Variants in RHOG observed in about 807,000 individuals in gnomAD.
RHOG encodes ras homolog family member G.
RHOG carries 1 observed loss-of-function variant against 12.3 expected under a neutral mutation model. That is an observed-to-expected ratio of 0.08 (90% CI 0.03 to 0.39). RHOG has a LOEUF of 0.39. RHOG is among the 10% of genes least tolerant of loss of function. The probability of loss-of-function intolerance (pLI) is 0.99; values close to 1 mark genes in which losing one functional copy is unlikely to be tolerated. For synonymous variants in RHOG, 129 were observed against 116.0 expected, an observed-to-expected ratio of 1.11 and a Z score of -0.72; for missense variants, 114 against 266.2, an observed-to-expected ratio of 0.43 and a Z score of 3.98.
At chr11:3,840,662 C>G (rs1347073512) in intron 1 of RHOG, 1 of 152,256 alleles carries the variant, frequency 6.6e-6, no homozygotes, top group African/African-American at 2.4e-5. Context: ...TCTCGGCTCC[C>G]TAGAGGCGGT....
intron 1 of RHOG, among the ~76,000 whole-genome samples, chr11:3,839,147 C>A (rs942971368): frequency 2.8e-4 from 42 of 152,178 alleles, no homozygotes; most frequent in African/African-American, 9.9e-4. Flanking sequence ...TTCCATCACA[C>A]CCAAGCTGGT....
chr11:3,829,905 T>C (rs1590475385), intron 1 of RHOG, among the ~76,000 whole-genome samples: 1 of 152,090 alleles, frequency 6.6e-6, no homozygotes, highest in South Asian at 2.1e-4. Context: ...TGCCACCACG[T>C]CCAGCTAATT....
intron 1 of RHOG, among the ~76,000 whole-genome samples, chr11:3,828,867 G>C (rs543862140): frequency 2.0e-5 from 3 of 151,830 alleles, no homozygotes; most frequent in African/African-American, 4.8e-5. Context: ...TGATCCGCCC[G>C]CCTTGGCCTC....
At chr11:3,831,153 AC>A (rs1036297449) in intron 1 of RHOG, among the ~76,000 whole-genome samples, 13 of 150,362 alleles carry the variant, frequency 8.6e-5, no homozygotes, top group Non-Finnish European at 1.3e-4. Flanking sequence ...GGAACCCCTT[AC>A]CCCCCCAGCC....
chr11:3,829,597 A>G (rs1350363691), intron 1 of RHOG, among the ~76,000 whole-genome samples: 1 of 151,850 alleles, frequency 6.6e-6, no homozygotes. Context: ...GGCCATGTAC[A>G]CTCAGATTGC....
intron 1 of RHOG, among the ~76,000 whole-genome samples, chr11:3,831,434 G>A (rs565155964): frequency 4.0e-5 from 6 of 151,708 alleles, no homozygotes; most frequent in Admixed American, 6.6e-5. Context: ...GTGTTTGTGC[G>A]CGTGCACGTG....
intron 1 of RHOG, among the ~76,000 whole-genome samples, chr11:3,838,313 AACTTCCAATGGGGCCAGATCTCACCTG>A (rs1263403028): frequency 3.3e-5 from 5 of 152,176 alleles, no homozygotes; most frequent in Non-Finnish European, 7.3e-5. Context: ...AATTAGCTCA[AACTTCCAATGGGGCCAGATCTCACCTG>A]GGAGAATCCC....
At chr11:3,839,589 GAACA>G (rs2090178665) in intron 1 of RHOG, among the ~76,000 whole-genome samples, 1 of 111,780 alleles carries the variant, frequency 8.9e-6, no homozygotes, top group Non-Finnish European at 1.9e-5. Flanking sequence ...ACGCGCGTGC[GAACA>G]CACACGCAAA....
Position 3,839,602 on chromosome 11 carries a change from A to AACACACACACAAACACACACAC in RHOG, c.-69+1291_-69+1292insGTGTGTGTGTTTGTGTGTGTGT, listed in dbSNP as rs1554948262. 2.1e-3 allele frequency among the ~76,000 whole-genome samples: 292 copies of AACACACACACAAACACACACAC among 141,692 alleles called. 1 individual carries two copies. Among genetic ancestry groups the AACACACACACAAACACACACAC allele is most frequent in the African/African-American group, 6.9e-3 (264 of 38,196 alleles). 93.0% of individuals were successfully genotyped at this position (141,692 alleles called of 152,430 possible). A position where few individuals can be genotyped will look rare whatever the true frequency, so the allele number is the denominator to read the frequency against. On this transcript the variant is annotated intron_variant, in intron 1 of 1. Transcript: ENST00000351018. ...ACACGCGCGTGCGAACACACACGCAAACACACACACACACACACACACACA... is the reference window on the plus strand; with the variant it reads ...ACACGCGCGTGCGAACACACACGCAAACACACACACAAACACACACACACACACACACACACACACACACACA...
At chr11:3,836,115 G>A (rs2090154174) in intron 1 of RHOG, among the ~76,000 whole-genome samples, 1 of 151,454 alleles carries the variant, frequency 6.6e-6, no homozygotes, top group South Asian at 2.1e-4. Context: ...CACTTTGGGA[G>A]GCCAAGGCAG....
At chr11:3,833,907 A>C (rs1590478308) in intron 1 of RHOG, among the ~76,000 whole-genome samples, 2 of 152,300 alleles carry the variant, frequency 1.3e-5, no homozygotes, top group South Asian at 2.1e-4. Context: ...TAAGTCTCAC[A>C]GTTGCATAAG....
chr11:3,828,812 G>A (rs1392355222), intron 1 of RHOG, among the ~76,000 whole-genome samples: 13 of 151,562 alleles, frequency 8.6e-5, no homozygotes, highest in South Asian at 2.1e-4. Flanking sequence ...AGTAGAGATG[G>A]GGTTTCACCG....
intron 1 of RHOG, among the ~76,000 whole-genome samples, chr11:3,833,514 T>G (rs553285207): frequency 4.1e-4 from 63 of 152,278 alleles, no homozygotes; most frequent in African/African-American, 1.5e-3. Context: ...GCATTCAGAG[T>G]TCTTCACAAT....
At position 3,827,454 on chromosome 11, in the gene RHOG, T is replaced by A; in HGVS notation, c.*109A>T. On this transcript the variant is annotated 3_prime_UTR_variant, in exon 2 of 2. Coordinates refer to ENST00000351018, the MANE Select transcript of RHOG (RefSeq NM_001665.4). This position sits in a 1 kb window ranked among gnomAD's most constrained non-coding sequence, Gnocchi z 7.3. Reference sequence around the variant, plus strand: ...AGAAAAAGGCATTCAGGGAACCCCCTGGAAAGGGGTGCCAGAATTAGTCCT... The same window carrying A: ...AGAAAAAGGCATTCAGGGAACCCCCAGGAAAGGGGTGCCAGAATTAGTCCT... The A allele has an allele frequency of 1.1e-6, 1 of 884,222 alleles. No individual in the cohort carries two copies. Among genetic ancestry groups the A allele is most frequent in the East Asian group, 2.7e-5 (1 of 37,734 alleles). 54.8% of individuals were successfully genotyped at this position (884,222 alleles called of 1,614,324 possible).
intron 1 of RHOG, among the ~76,000 whole-genome samples, chr11:3,828,542 T>A (rs1201252634): frequency 6.6e-6 from 1 of 151,960 alleles, no homozygotes. Context: ...TAAAATAATA[T>A]CTACCTCACT....
chr11:3,832,074 G>A (rs780452168), intron 1 of RHOG, among the ~76,000 whole-genome samples: 6 of 152,110 alleles, frequency 3.9e-5, no homozygotes, highest in Non-Finnish European at 7.4e-5. Context: ...GAAACAAGCA[G>A]AGCAAAGGCA....
At chr11:3,831,718 C>T (rs780362270) in intron 1 of RHOG, among the ~76,000 whole-genome samples, 1 of 152,160 alleles carries the variant, frequency 6.6e-6, no homozygotes, top group African/African-American at 2.4e-5. Flanking sequence ...TCCTTGGAGG[C>T]AGGGGGCATT....
chr11:3,834,813 C>G (rs1021287732), intron 1 of RHOG, among the ~76,000 whole-genome samples: 1 of 152,078 alleles, frequency 6.6e-6, no homozygotes, highest in African/African-American at 2.4e-5. Flanking sequence ...AAAAGATAGG[C>G]GAGTATGGAG....
intron 1 of RHOG, among the ~76,000 whole-genome samples, chr11:3,834,649 G>C (rs1490685439): frequency 2.2e-4 from 34 of 152,234 alleles, no homozygotes; most frequent in Admixed American, 2.2e-3. Flanking sequence ...CCTGGAGCCC[G>C]GCTTGTACCC....
Sources: allele counts gnomAD v4.1 joint callset (sites outside exome capture counted in the v4.1 genomes callset), GRCh38; gene constraint gnomAD v4.1.1; non-coding constraint Gnocchi (gnomAD v3.1); transcripts MANE v1.5; gene names NCBI Gene and HGNC (gene_info 2026-07-23, HGNC 2026-07-21).